Variants in SIK2 observed in about 807,000 individuals in gnomAD.
SIK2 encodes the protein salt inducible kinase 2, also known as serine/threonine-protein kinase SIK2.
SIK2 carries 29 observed loss-of-function variants against 103.2 expected under a neutral mutation model. The observed-to-expected ratio is 0.28, with a 90% CI of 0.21 to 0.38. The LOEUF is 0.38. SIK2 is among the 10% of genes least tolerant of loss of function. The probability of loss-of-function intolerance (pLI) is 1.00; values close to 1 mark genes in which losing one functional copy is unlikely to be tolerated. For missense variants in SIK2, 879 were observed against 1,171.0 expected (o/e 0.75, Z 3.64); for synonymous variants, 412 against 446.1 (o/e 0.92, Z 0.96).
chr11:111,720,050 C>T (rs1401384712), intron 10 of SIK2, 47 bp downstream of exon 10: 2 of 1,560,100 alleles, frequency 1.3e-6, no homozygotes, highest in South Asian at 2.3e-5. Context: ...GGCATCATGT[C>T]ATACTCCAAT....
At chr11:111,623,972 G>A (rs1941928370) in intron 3 of SIK2, among the ~76,000 whole-genome samples, 1 of 152,186 alleles carries the variant, frequency 6.6e-6, no homozygotes, top group African/African-American at 2.4e-5. Context: ...TCATGGTCTC[G>A]CCTCATTTGT....
rs115996159 is a variant in SIK2 at position 111,649,884 on chromosome 11, T to C, written c.316+29482T>C. On this transcript the variant is annotated intron_variant, in intron 3 of 14. Transcript: ENST00000304987. Reference sequence around the variant, plus strand: ...GAATAGCTCTATTTTTTTAAAAAAATTAATTGTGCTAGGAGCTCTCATAAG... The same window carrying C: ...GAATAGCTCTATTTTTTTAAAAAAACTAATTGTGCTAGGAGCTCTCATAAG... Among the ~76,000 whole-genome samples the C allele has an allele frequency of 6.5e-3, 994 of 152,236 alleles. 10 individuals carry two copies. The highest frequency in any genetic ancestry group is 0.022 in the African/African-American group (928 of 41,568).
At chr11:111,672,654 A>G (rs1249282816) in intron 3 of SIK2, among the ~76,000 whole-genome samples, 1 of 152,184 alleles carries the variant, frequency 6.6e-6, no homozygotes, top group Non-Finnish European at 1.5e-5. Flanking sequence ...GAGACTGTCA[A>G]GAAGCTGCTG....
At chr11:111,679,615 A>G (rs1450147949) in intron 3 of SIK2, among the ~76,000 whole-genome samples, 1 of 152,246 alleles carries the variant, frequency 6.6e-6, no homozygotes, top group Non-Finnish European at 1.5e-5. Flanking sequence ...ATTTAAAATT[A>G]GGGTAACCCA....
At chr11:111,700,510 T>C (rs1297006541) in intron 4 of SIK2, among the ~76,000 whole-genome samples, 2 of 152,252 alleles carry the variant, frequency 1.3e-5, no homozygotes, top group African/African-American at 2.4e-5. Flanking sequence ...TCTTTCCTTA[T>C]AGACCATTTA....
chr11:111,668,428 G>A (rs1235589985), intron 3 of SIK2, among the ~76,000 whole-genome samples: 1 of 152,188 alleles, frequency 6.6e-6, no homozygotes, highest in Non-Finnish European at 1.5e-5. Context: ...ATGTGTTCTT[G>A]CAAACTTGTG....
At chr11:111,653,130 CA>C (rs920804501) in intron 3 of SIK2, among the ~76,000 whole-genome samples, 4 of 152,092 alleles carry the variant, frequency 2.6e-5, no homozygotes, top group African/African-American at 9.7e-5. Context: ...GGCTGAGGGT[CA>C]AGTTAGGCCA....
chr11:111,627,476 C>G (rs1010127778), intron 3 of SIK2, among the ~76,000 whole-genome samples: 1 of 151,922 alleles, frequency 6.6e-6, no homozygotes, highest in African/African-American at 2.4e-5. Flanking sequence ...TATGTTTATC[C>G]AGGAGAAAAC....
intron 3 of SIK2, among the ~76,000 whole-genome samples, chr11:111,687,372 G>T (rs1942859561): frequency 6.6e-6 from 1 of 151,612 alleles, no homozygotes; most frequent in Non-Finnish European, 1.5e-5. Flanking sequence ...AAAATTAGCT[G>T]GGCATGGTGG....
intron 3 of SIK2, among the ~76,000 whole-genome samples, chr11:111,636,117 A>G (rs1293997149): frequency 6.6e-6 from 1 of 152,230 alleles, no homozygotes; most frequent in Non-Finnish European, 1.5e-5. Context: ...GGTAGATTTT[A>G]TCTGCTAATT....
At chr11:111,646,319 C>T (rs1942257023) in intron 3 of SIK2, among the ~76,000 whole-genome samples, 1 of 152,106 alleles carries the variant, frequency 6.6e-6, no homozygotes, top group African/African-American at 2.4e-5. Context: ...TGTGGTGGCG[C>T]ATGCCTGTAA....
chr11:111,705,454 G>A lies in SIK2; in HGVS notation c.1101+315G>A, dbSNP rs937140094. ...TACCACGTGCGAGCTTCTATTCTTA[G>A]GCACTGTTGGGGGTAAGATATATAA... On this transcript the variant is annotated intron_variant, in intron 8 of 14. Transcript: ENST00000304987. The surrounding 1 kb of genome is among the most constrained non-coding windows in gnomAD (Gnocchi z 4.3). Among the ~76,000 whole-genome samples the A allele has an allele frequency of 6.6e-6, 1 of 152,124 alleles. No homozygotes were observed. The highest frequency in any genetic ancestry group is 1.5e-5 in the Non-Finnish European group (1 of 68,028).
chr11:111,695,632 A>C (rs1232948928), intron 4 of SIK2, among the ~76,000 whole-genome samples: 1 of 152,226 alleles, frequency 6.6e-6, no homozygotes, highest in Non-Finnish European at 1.5e-5. Context: ...GCATCACATC[A>C]GAGCTTGTTA....
chr11:111,687,146 G>A (rs769189815), intron 3 of SIK2, among the ~76,000 whole-genome samples: 1 of 152,128 alleles, frequency 6.6e-6, no homozygotes, highest in Non-Finnish European at 1.5e-5. Context: ...GAGTTGTACT[G>A]TGAATATTAT....
At chr11:111,640,638 A>G (rs1397087210) in intron 3 of SIK2, among the ~76,000 whole-genome samples, 1 of 151,992 alleles carries the variant, frequency 6.6e-6, no homozygotes, top group Admixed American at 6.6e-5. Context: ...AGAATTAAAA[A>G]CACTTAGAAC....
Position 111,730,740 on chromosome 11 carries a change from AAAT to A in SIK2, c.*6615_*6617del, listed in dbSNP as rs921856450. Reference sequence around the variant, plus strand: ...AAAATTGCCTAAAATGCAGTGTAATAAATAATCTCTGTACCAAATAGTAATTTA... The same window carrying A: ...AAAATTGCCTAAAATGCAGTGTAATAAATCTCTGTACCAAATAGTAATTTA... On this transcript the variant is annotated 3_prime_UTR_variant, in exon 15 of 15. Coordinates refer to ENST00000304987, the MANE Select transcript of SIK2 (RefSeq NM_015191.3). 6.6e-6 allele frequency: 1 copy of A among 152,212 alleles called. No individual in the cohort carries two copies. The allele number at this position is 152,212 out of a possible 1,614,324, so 9.4% of individuals were successfully genotyped here. A position where few individuals can be genotyped will look rare whatever the true frequency, so the allele number is the denominator to read the frequency against.
chr11:111,674,076 A>AAAAAAAG (rs1565346908), intron 3 of SIK2, among the ~76,000 whole-genome samples: 2 of 152,022 alleles, frequency 1.3e-5, no homozygotes, highest in Non-Finnish European at 2.9e-5. Context: ...TCCATTAAAA[A>AAAAAAAG]AAAAAAAGAA....
intron 3 of SIK2, chr11:111,671,380 C>A: frequency 8.0e-6 from 2 of 248,458 alleles, no homozygotes; most frequent in East Asian, 1.2e-4. Flanking sequence ...GGCCAGCTCC[C>A]CACATACTGC....
chr11:111,654,614 A>G (rs1418275095), intron 3 of SIK2, among the ~76,000 whole-genome samples: 3 of 152,244 alleles, frequency 2.0e-5, no homozygotes, highest in Non-Finnish European at 2.9e-5. Flanking sequence ...TTTAATCAGT[A>G]TAAAACAACT....
Sources: gnomAD v4.1 joint callset for allele counts (sites outside exome capture counted in the v4.1 genomes callset) on GRCh38, gnomAD v4.1.1 for gene constraint, Gnocchi (gnomAD v3.1) non-coding constraint, MANE v1.5 for transcripts, NCBI Gene and HGNC (gene_info 2026-07-23, HGNC 2026-07-21) for gene names.